Variants in TNIK observed in about 807,000 individuals in gnomAD.
TNIK encodes the protein TRAF2 and NCK-interacting protein kinase.
TNIK carries 49 observed loss-of-function variants against 191.3 expected under a neutral mutation model. That is an observed-to-expected ratio of 0.26 (90% CI 0.20 to 0.32). The LOEUF is 0.32. TNIK is among the 10% of genes least tolerant of loss of function. The pLI is 1.00. For missense variants in TNIK, 1,155 were observed against 1,702.3 expected (o/e 0.68, Z 5.66); for synonymous variants, 594 against 600.9 (o/e 0.99, Z 0.17).
intron 2 of TNIK, among the ~76,000 whole-genome samples, chr3:171,240,100 G>A (rs931349539): frequency 2.0e-5 from 3 of 152,144 alleles, no homozygotes; most frequent in Admixed American, 6.5e-5. Context: ...AGGTAGCTTC[G>A]TCTCAAGGAG....
At chr3:171,086,970 C>A (rs559342711) in intron 24 of TNIK, among the ~76,000 whole-genome samples, 25 of 152,240 alleles carry the variant, frequency 1.6e-4, no homozygotes, top group African/African-American at 6.0e-4. Flanking sequence ...ACTAAATTAA[C>A]ACAAATATAA....
intron 18 of TNIK, among the ~76,000 whole-genome samples, chr3:171,116,429 T>C (rs1185087954): frequency 6.6e-6 from 1 of 152,264 alleles, no homozygotes; most frequent in Non-Finnish European, 1.5e-5. Context: ...CTGCTAGGTC[T>C]ATAAAACTCA....
At chr3:171,177,449 T>C in intron 7 of TNIK, 69 bp from the exon 8 acceptor site, 2 of 1,533,610 alleles carry the variant, frequency 1.3e-6, no homozygotes, top group Non-Finnish European at 1.8e-6. Context: ...AACCTGGTAA[T>C]TGCTTCAGAA....
rs796716119 is a variant in TNIK at position 171,413,002 on chromosome 3, G to A, written c.58-43317C>T. 1.3e-4 allele frequency among the ~76,000 whole-genome samples: 20 copies of A among 152,264 alleles called. 1 individual carries two copies. Among genetic ancestry groups the A allele is most frequent in the African/African-American group, 4.8e-4 (20 of 41,560 alleles). ...TGCCAAGCAGGCAAACTATACCTTG[G>A]CGAGAATTTCCTCTCCAGAGCCTCA... On this transcript the variant is annotated intron_variant, in intron 1 of 32. Transcript: ENST00000436636.
chr3:171,171,744 G>A (rs150368280), intron 9 of TNIK, among the ~76,000 whole-genome samples: 11 of 152,284 alleles, frequency 7.2e-5, no homozygotes, highest in Admixed American at 1.3e-4. Context: ...GCAAGAGAAG[G>A]TAGGAGAAAA....
intron 1 of TNIK, among the ~76,000 whole-genome samples, chr3:171,458,908 T>A (rs1416566821): frequency 6.6e-6 from 1 of 152,174 alleles, no homozygotes; most frequent in Non-Finnish European, 1.5e-5. Context: ...CACCCGCTGC[T>A]GCCACCATCC....
chr3:171,116,917 ATTGATATTGCAGTC>A (rs1419051641), intron 18 of TNIK, among the ~76,000 whole-genome samples: 2 of 152,232 alleles, frequency 1.3e-5, no homozygotes, highest in African/African-American at 4.8e-5. Flanking sequence ...AGAATTGCCT[ATTGATATTGCAGTC>A]TGAGCAATTC....
At chr3:171,091,437 A>G (rs1722042091) in intron 23 of TNIK, among the ~76,000 whole-genome samples, 1 of 152,072 alleles carries the variant, frequency 6.6e-6, no homozygotes, top group Non-Finnish European at 1.5e-5. Context: ...TATGAGCTAC[A>G]TCCTCATAAT....
chr3:171,413,934 G>A (rs1350245148), intron 1 of TNIK, among the ~76,000 whole-genome samples: 2 of 152,070 alleles, frequency 1.3e-5, no homozygotes, highest in African/African-American at 4.8e-5. Context: ...ATTCATGCCT[G>A]GTAATATATA....
chr3:171,195,879 A>G (rs1738620907), intron 4 of TNIK, among the ~76,000 whole-genome samples: 9 of 152,222 alleles, frequency 5.9e-5, no homozygotes, highest in Admixed American at 5.9e-4. Context: ...ACAATATGTA[A>G]TAGCCCAGAA....
chr3:171,349,992 A>T (rs779486239), intron 2 of TNIK, among the ~76,000 whole-genome samples: 1 of 152,218 alleles, frequency 6.6e-6, no homozygotes, highest in Non-Finnish European at 1.5e-5. Context: ...AAGATGGGCT[A>T]CCCAAAGGAA....
intron 10 of TNIK, among the ~76,000 whole-genome samples, 175 bp downstream of exon 10, chr3:171,166,920 C>T (rs913236329): frequency 6.6e-6 from 1 of 152,170 alleles, no homozygotes; most frequent in Non-Finnish European, 1.5e-5. Context: ...AAAGATTCTA[C>T]TTCAATAGTC....
chr3:171,457,650 G>A (rs994083609), intron 1 of TNIK, among the ~76,000 whole-genome samples: 2 of 152,184 alleles, frequency 1.3e-5, no homozygotes, highest in African/African-American at 4.8e-5. Flanking sequence ...ACCCACTCCA[G>A]CAGACACACC....
intron 28 of TNIK, among the ~76,000 whole-genome samples, chr3:171,076,555 T>C (rs1719972070): frequency 6.6e-6 from 1 of 152,234 alleles, no homozygotes; most frequent in South Asian, 2.1e-4. Flanking sequence ...CGCTCCTTTA[T>C]TGTCATTCTT....
chr3:171,395,615 T>C (rs1337055241), intron 1 of TNIK, among the ~76,000 whole-genome samples: 1 of 152,154 alleles, frequency 6.6e-6, no homozygotes, highest in Non-Finnish European at 1.5e-5. Flanking sequence ...AGAAAGACAT[T>C]TGATATTTGA....
chr3:171,228,395 G>A (rs7374087), intron 2 of TNIK, among the ~76,000 whole-genome samples, 174 bp from the exon 3 acceptor site: 40,777 of 151,944 alleles, frequency 0.27, 5,898 homozygotes, highest in Middle Eastern at 0.43. Flanking sequence ...TTTGTAAAAC[G>A]TCCCCAGTCA....
intron 2 of TNIK, among the ~76,000 whole-genome samples, chr3:171,281,001 C>CA (rs1750360632): frequency 6.6e-6 from 1 of 152,142 alleles, no homozygotes; most frequent in African/African-American, 2.4e-5. Flanking sequence ...GTCTCAGCTA[C>CA]ACTTTCAGTA....
chr3:171,067,230 G>A (rs2108306462), intron 30 of TNIK, among the ~76,000 whole-genome samples: 1 of 152,186 alleles, frequency 6.6e-6, no homozygotes, highest in South Asian at 2.1e-4. Context: ...TGAATCTAAT[G>A]GAGATAGCTT....
At chr3:171,378,808 T>G (rs1027430222) in intron 1 of TNIK, among the ~76,000 whole-genome samples, 1 of 152,258 alleles carries the variant, frequency 6.6e-6, no homozygotes, top group Non-Finnish European at 1.5e-5. Flanking sequence ...TATGCAGTTA[T>G]AGATTTCTCC....
Sources: allele counts gnomAD v4.1 joint callset (sites outside exome capture counted in the v4.1 genomes callset), GRCh38; gene constraint gnomAD v4.1.1; transcripts MANE v1.5; gene names NCBI Gene and HGNC (gene_info 2026-07-23, HGNC 2026-07-21).